The following HPSE2 variants were observed in gnomAD, a reference collection of about 807,000 sequenced individuals.
HPSE2 encodes the protein heparanase 2 (inactive).
In HPSE2, 38 loss-of-function variants were observed where a neutral mutation model predicts 60.5. The observed-to-expected ratio is 0.63, with a 90% CI of 0.48 to 0.82. The LOEUF is 0.82. Among genes scored for constraint, HPSE2 ranks in the 40% least tolerant of loss-of-function variants. The probability of loss-of-function intolerance (pLI) is 0.00; values close to 1 mark genes in which losing one functional copy is unlikely to be tolerated. For missense variants in HPSE2, 713 were observed against 740.4 expected (o/e 0.96, Z 0.43); for synonymous variants, 295 against 293.2 (o/e 1.01, Z -0.06).
intron 9 of HPSE2, among the ~76,000 whole-genome samples, chr10:98,570,944 C>T (rs1285995720): frequency 6.6e-6 from 1 of 152,144 alleles, no homozygotes; most frequent in Non-Finnish European, 1.5e-5. Flanking sequence ...TGTAGAAACT[C>T]AAGTGTATAA....
intron 3 of HPSE2, among the ~76,000 whole-genome samples, chr10:99,142,728 GAA>G (rs1845906357): frequency 6.6e-6 from 1 of 152,156 alleles, no homozygotes; most frequent in Non-Finnish European, 1.5e-5. Flanking sequence ...CTGAGAATTA[GAA>G]AAGATTCCAC....
At chr10:98,910,363 A>G (rs1242199271) in intron 3 of HPSE2, among the ~76,000 whole-genome samples, 1 of 152,200 alleles carries the variant, frequency 6.6e-6, no homozygotes, top group Non-Finnish European at 1.5e-5. Context: ...ATTTCAACTG[A>G]AGGGAATAAA....
intron 3 of HPSE2, among the ~76,000 whole-genome samples, chr10:99,104,220 T>G (rs1844142491): frequency 6.6e-6 from 1 of 151,920 alleles, no homozygotes; most frequent in Non-Finnish European, 1.5e-5. Context: ...GGAGAAAAAT[T>G]TTGCAATCTA....
chr10:98,973,688 T>C (rs898858288), intron 3 of HPSE2, among the ~76,000 whole-genome samples: 3 of 152,140 alleles, frequency 2.0e-5, no homozygotes. Context: ...CCCTACCAAA[T>C]GTGATCAACT....
At chr10:99,295,455 T>G in the HPSE2 span, among the ~76,000 whole-genome samples, 1 of 152,226 alleles carries the variant, frequency 6.6e-6, no homozygotes, top group Admixed American at 6.5e-5. Flanking sequence ...TAATGTTAAG[T>G]GAAAAAAAGC....
At chr10:99,127,620 C>A (rs1845213048) in intron 3 of HPSE2, among the ~76,000 whole-genome samples, 1 of 152,154 alleles carries the variant, frequency 6.6e-6, no homozygotes, top group African/African-American at 2.4e-5. Context: ...GAGATCTAGA[C>A]AACTAAATAC....
At chr10:98,712,742 A>G (rs998015264) in intron 5 of HPSE2, among the ~76,000 whole-genome samples, 7 of 152,048 alleles carry the variant, frequency 4.6e-5, no homozygotes, top group Admixed American at 2.0e-4. Context: ...CCACGATAGG[A>G]GCAGAAAACT....
intron 3 of HPSE2, among the ~76,000 whole-genome samples, chr10:99,038,158 C>T (rs1316492883): frequency 6.6e-6 from 1 of 152,114 alleles, no homozygotes; most frequent in Non-Finnish European, 1.5e-5. Flanking sequence ...TACCACCCAG[C>T]AATCATACTC....
chr10:98,986,282 A>G (rs1354293343), intron 3 of HPSE2, among the ~76,000 whole-genome samples: 1 of 152,136 alleles, frequency 6.6e-6, no homozygotes, highest in African/African-American at 2.4e-5. Context: ...CAGAAATTAT[A>G]ACAAACTCTC....
intron 3 of HPSE2, among the ~76,000 whole-genome samples, chr10:98,812,241 G>C (rs1311513422): frequency 1.3e-5 from 2 of 152,122 alleles, no homozygotes; most frequent in Non-Finnish European, 2.9e-5. Flanking sequence ...ATTGTTTAGG[G>C]AGGATTATGA....
Position 98,544,547 on chromosome 10 carries a change from A to G in HPSE2, c.1321-54351T>C, listed in dbSNP as rs1212058522. ...AACACAGTGAAACCCCGTCTCTACTAAAAAACACAAAAAAAATTAGCCGGG... is the reference window on the plus strand; with the variant it reads ...AACACAGTGAAACCCCGTCTCTACTGAAAAACACAAAAAAAATTAGCCGGG... On this transcript the variant is annotated intron_variant, in intron 9 of 11. Transcript: ENST00000370552. Among the ~76,000 whole-genome samples, 10 of 151,716 alleles carry G rather than the reference A, an allele frequency of 6.6e-5. No homozygotes were observed. In the Middle Eastern group the frequency reaches 0.024, roughly 361 times the overall value.
intron 3 of HPSE2, among the ~76,000 whole-genome samples, chr10:99,017,926 T>C (rs1957178679): frequency 6.6e-6 from 1 of 152,216 alleles, no homozygotes; most frequent in Non-Finnish European, 1.5e-5. Flanking sequence ...AGGAAGCTTC[T>C]TGAAGCCTCT....
At chr10:99,033,543 G>A (rs893170751) in intron 3 of HPSE2, among the ~76,000 whole-genome samples, 10 of 152,154 alleles carry the variant, frequency 6.6e-5, no homozygotes, top group Non-Finnish European at 1.5e-5. Flanking sequence ...AGCACTTTGG[G>A]AGGCTGAGGC....
intron 9 of HPSE2, among the ~76,000 whole-genome samples, chr10:98,541,685 G>T (rs1223820533): frequency 1.3e-5 from 2 of 152,262 alleles, no homozygotes; most frequent in Non-Finnish European, 2.9e-5. Context: ...ATGGCTCAGA[G>T]GGTCCTACAC....
chr10:98,635,110 C>A (rs1946463518), intron 7 of HPSE2, among the ~76,000 whole-genome samples: 1 of 152,172 alleles, frequency 6.6e-6, no homozygotes, highest in African/African-American at 2.4e-5. Flanking sequence ...TCTTGCTCAC[C>A]ATTTTATTCT....
chr10:98,826,712 T>G (rs1951556478), intron 3 of HPSE2, among the ~76,000 whole-genome samples: 1 of 152,158 alleles, frequency 6.6e-6, no homozygotes, highest in Admixed American at 6.5e-5. Context: ...AGGCTTCAGC[T>G]TCAGTAGACA....
At chr10:99,148,147 C>A (rs1318577008) in intron 2 of HPSE2, among the ~76,000 whole-genome samples, 1 of 152,144 alleles carries the variant, frequency 6.6e-6, no homozygotes, top group Non-Finnish European at 1.5e-5. Flanking sequence ...GGCAACACAG[C>A]TGTGCTACAT....
the HPSE2 span, among the ~76,000 whole-genome samples, chr10:99,305,979 G>GCACGCACACA: frequency 6.9e-4 from 56 of 80,586 alleles, 2 homozygotes; most frequent in African/African-American, 2.9e-3. Context: ...GCGCGCGCGC[G>GCACGCACACA]CACACACACA....
At chr10:98,925,022 C>A (rs766946505) in intron 3 of HPSE2, among the ~76,000 whole-genome samples, 2 of 152,156 alleles carry the variant, frequency 1.3e-5, no homozygotes, top group Non-Finnish European at 2.9e-5. Flanking sequence ...AATGTAAAGT[C>A]GCCCAGCAGC....
Sources: allele counts gnomAD v4.1 joint callset (sites outside exome capture counted in the v4.1 genomes callset), GRCh38; gene constraint gnomAD v4.1.1; transcripts MANE v1.5; gene names NCBI Gene and HGNC (gene_info 2026-07-23, HGNC 2026-07-21).